Variants in FSTL5 observed in about 807,000 individuals in gnomAD.
FSTL5 encodes follistatin-related protein 5.
In FSTL5, 62 loss-of-function variants were observed where a neutral mutation model predicts 89.1. That is an observed-to-expected ratio of 0.70 (90% CI 0.57 to 0.86). FSTL5 has a LOEUF of 0.86. Among genes scored for constraint, FSTL5 ranks in the 40% least tolerant of loss-of-function variants. FSTL5 has a pLI of 0.00. For missense variants in FSTL5, 1,057 were observed against 1,001.6 expected (o/e 1.06, Z -0.75); for synonymous variants, 383 against 346.2 (o/e 1.11, Z -1.18).
At chr4:161,436,756 CTTTGG>C (rs1732573324) in intron 15 of FSTL5, among the ~76,000 whole-genome samples, 4 of 152,212 alleles carry the variant, frequency 2.6e-5, no homozygotes, top group Non-Finnish European at 5.9e-5. Context: ...CCTGTCACAA[CTTTGG>C]AACATCTATA....
chr4:161,537,306 G>A (rs7687854), intron 10 of FSTL5, among the ~76,000 whole-genome samples: 3,191 of 152,168 alleles, frequency 0.021, 99 homozygotes, highest in African/African-American at 0.07. Context: ...TAATAACAGC[G>A]TAACAAGTAG....
At chr4:161,775,228 T>C (rs4398484) in intron 5 of FSTL5, among the ~76,000 whole-genome samples, 30,493 of 152,004 alleles carry the variant, frequency 0.2, 3,100 homozygotes, top group Middle Eastern at 0.32. Flanking sequence ...CAAGATATGT[T>C]ATAGGGATCA....
intron 5 of FSTL5, among the ~76,000 whole-genome samples, chr4:161,770,334 G>A (rs573381635): frequency 1.7e-4 from 26 of 152,028 alleles, no homozygotes; most frequent in Admixed American, 8.5e-4. Context: ...TACATTTTCC[G>A]CAACTAGAAG....
chr4:161,649,422 G>T (rs1468376694), intron 7 of FSTL5, among the ~76,000 whole-genome samples: 2 of 152,030 alleles, frequency 1.3e-5, no homozygotes, highest in Non-Finnish European at 2.9e-5. Context: ...ATCAATCTAA[G>T]TGTCAATAAA....
At chr4:161,869,299 T>C (rs935929493) in intron 4 of FSTL5, among the ~76,000 whole-genome samples, 1 of 152,128 alleles carries the variant, frequency 6.6e-6, no homozygotes. Flanking sequence ...AGATACTCAG[T>C]GGGTGATAAT....
chr4:162,135,838 A>G (rs1042556858), intron 1 of FSTL5, among the ~76,000 whole-genome samples: 3 of 151,968 alleles, frequency 2.0e-5, no homozygotes, highest in African/African-American at 7.2e-5. Context: ...ATGGCACTAA[A>G]ATTTTTGGAT....
chr4:161,676,915 C>A lies in FSTL5; in HGVS notation c.728-20421G>T, dbSNP rs541852089. Among the ~76,000 whole-genome samples, 907 of 152,002 alleles carry A rather than the reference C, an allele frequency of 6.0e-3. 7 individuals carry two copies. The highest frequency in any genetic ancestry group is 0.02 in the African/African-American group (842 of 41,506). The stretch of plus-strand genomic sequence containing the variant: ...TCCACATATTAATTTCAACATTAGA[C>A]ATTTAAAATACTTTTTAATATTTAA... On this transcript the variant is annotated intron_variant, in intron 6 of 15. Transcript: ENST00000306100.
chr4:161,475,688 AT>A (rs1734111475), intron 13 of FSTL5, among the ~76,000 whole-genome samples: 1 of 151,890 alleles, frequency 6.6e-6, no homozygotes, highest in African/African-American at 2.4e-5. Flanking sequence ...TAAGATAGTT[AT>A]TTTAATGTTT....
chr4:162,104,660 T>C (rs954490648), intron 2 of FSTL5, among the ~76,000 whole-genome samples: 2 of 152,148 alleles, frequency 1.3e-5, no homozygotes, highest in Non-Finnish European at 1.5e-5. Context: ...ATGATGACAC[T>C]CTGGCTACCG....
chr4:161,427,932 A>G (rs2126331513), intron 15 of FSTL5, among the ~76,000 whole-genome samples: 1 of 152,296 alleles, frequency 6.6e-6, no homozygotes, highest in African/African-American at 2.4e-5. Flanking sequence ...CAGATGAGTA[A>G]TCATTCTACC....
At chr4:162,084,472 A>G (rs966322016) in intron 2 of FSTL5, among the ~76,000 whole-genome samples, 1 of 152,096 alleles carries the variant, frequency 6.6e-6, no homozygotes, top group Non-Finnish European at 1.5e-5. Context: ...ACTTCTGCAC[A>G]TGTATGTTTA....
At chr4:161,993,433 A>C (rs1736195450) in intron 3 of FSTL5, among the ~76,000 whole-genome samples, 1 of 148,674 alleles carries the variant, frequency 6.7e-6, no homozygotes, top group Non-Finnish European at 1.5e-5. Context: ...CCTTTTGAGA[A>C]GTATGATTTT....
chr4:161,501,707 G>T (rs1730299869), intron 11 of FSTL5, among the ~76,000 whole-genome samples: 1 of 151,852 alleles, frequency 6.6e-6, no homozygotes, highest in South Asian at 2.1e-4. Context: ...AGCAGAAGTG[G>T]CAAGCAATAG....
intron 7 of FSTL5, among the ~76,000 whole-genome samples, chr4:161,601,637 T>A (rs376622024): frequency 1.6e-4 from 25 of 152,188 alleles, no homozygotes; most frequent in African/African-American, 6.0e-4. Context: ...GACAAGAGCA[T>A]AAGAAACAAC....
intron 6 of FSTL5, among the ~76,000 whole-genome samples, chr4:161,726,771 T>C (rs1739434858): frequency 6.6e-6 from 1 of 151,980 alleles, no homozygotes; most frequent in South Asian, 2.1e-4. Flanking sequence ...TTACTAACTA[T>C]ATACATATAT....
chr4:161,698,523 G>A (rs1435445263), intron 6 of FSTL5, among the ~76,000 whole-genome samples: 5 of 152,204 alleles, frequency 3.3e-5, no homozygotes, highest in African/African-American at 4.8e-5. Flanking sequence ...TGACGGGGCT[G>A]TTTTGAAATT....
chr4:161,931,195 T>A (rs1165313620), intron 3 of FSTL5, among the ~76,000 whole-genome samples: 1 of 151,852 alleles, frequency 6.6e-6, no homozygotes, highest in African/African-American at 2.4e-5. Context: ...AGGGAGAAGA[T>A]GATAATAGCC....
chr4:161,538,410 T>G, intron 9 of FSTL5, 110 bp from the exon 10 acceptor site: 1 of 1,192,022 alleles, frequency 8.4e-7, no homozygotes, highest in Non-Finnish European at 1.2e-6. Context: ...TTAAACTGTT[T>G]CCCTTCCTAC....
At position 161,951,796 on chromosome 4, in the gene FSTL5, T is replaced by G. The variant is rs1303875925; in HGVS notation, c.161-31144A>C. Among the ~76,000 whole-genome samples the G allele has an allele frequency of 2.6e-5, 4 of 152,176 alleles. No individual in the cohort carries two copies. The South Asian group carries it at 8.3e-4, about 32-fold the overall frequency. On this transcript the variant is annotated intron_variant, in intron 3 of 15. Coordinates refer to ENST00000306100, the MANE Select transcript of FSTL5 (RefSeq NM_020116.5). ...TTGCTGCAAAATTGTTGAAATGTAC[T>G]TTGAGATTTTAAAGTTACCTACTTT... is the stretch of plus-strand genomic sequence containing the variant.
Sources: allele counts gnomAD v4.1 joint callset (sites outside exome capture counted in the v4.1 genomes callset), GRCh38; gene constraint gnomAD v4.1.1; transcripts MANE v1.5; gene names NCBI Gene and HGNC (gene_info 2026-07-23, HGNC 2026-07-21).